The following RGS7 variants were observed in gnomAD, a reference collection of about 807,000 sequenced individuals.
The protein encoded by RGS7 is regulator of G protein signaling 7.
RGS7 carries 27 observed loss-of-function variants against 81.1 expected under a neutral mutation model. The ratio of observed to expected loss-of-function variants is 0.33; its 90% CI spans 0.25 to 0.46. RGS7 has a LOEUF of 0.46. Ranked by LOEUF, RGS7 falls within the 20% of genes least tolerant of loss-of-function variation. RGS7 has a pLI of 1.00. For synonymous variants in RGS7, 208 were observed against 207.7 expected (o/e 1.00, Z -0.01); for missense variants, 396 against 607.4 (o/e 0.65, Z 3.66).
At chr1:240,947,633 C>G (rs1478915866) in intron 4 of RGS7, among the ~76,000 whole-genome samples, 1 of 152,188 alleles carries the variant, frequency 6.6e-6, no homozygotes, top group East Asian at 1.9e-4. Flanking sequence ...TCCACCACCC[C>G]AGTCCAACCT....
intron 2 of RGS7, among the ~76,000 whole-genome samples, chr1:241,139,056 C>T (rs2103074758): frequency 6.6e-6 from 1 of 152,244 alleles, no homozygotes; most frequent in African/African-American, 2.4e-5. Context: ...TGGAACCACA[C>T]AATATGTGTC....
intron 18 of RGS7, among the ~76,000 whole-genome samples, chr1:240,781,905 C>T (rs1271530892): frequency 2.0e-5 from 3 of 152,018 alleles, no homozygotes; most frequent in Non-Finnish European, 4.4e-5. Context: ...ATCCCAGCTA[C>T]TCGGGAGGCT....
chr1:241,214,907 T>C (rs1392005342), intron 2 of RGS7, among the ~76,000 whole-genome samples: 1 of 152,192 alleles, frequency 6.6e-6, no homozygotes, highest in Non-Finnish European at 1.5e-5. Context: ...TTATCCTAAC[T>C]ATGGATACTA....
At chr1:241,342,846 C>G (rs116075306) in intron 2 of RGS7, among the ~76,000 whole-genome samples, 1,943 of 152,200 alleles carry the variant, frequency 0.013, 22 homozygotes, top group South Asian at 0.022. Context: ...TGACTATTAC[C>G]AAAGAAATGG....
intron 9 of RGS7, among the ~76,000 whole-genome samples, chr1:240,854,044 G>T (rs1024504375): frequency 3.3e-5 from 5 of 151,784 alleles, no homozygotes; most frequent in African/African-American, 1.2e-4. Flanking sequence ...CCTTTCTGGA[G>T]CTATTTAAGA....
At chr1:240,951,792 C>T (rs1679603637) in intron 4 of RGS7, among the ~76,000 whole-genome samples, 1 of 151,926 alleles carries the variant, frequency 6.6e-6, no homozygotes, top group Non-Finnish European at 1.5e-5. Flanking sequence ...ACACTACACT[C>T]AGAGAGAAAG....
chr1:240,849,953 C>A (rs1659801287), intron 9 of RGS7, among the ~76,000 whole-genome samples: 1 of 152,160 alleles, frequency 6.6e-6, no homozygotes, highest in Admixed American at 6.5e-5. Context: ...CATTCCGCAC[C>A]CGTACTGGAT....
At chr1:240,834,916 CCACACACACACA>C (rs67071227) in intron 9 of RGS7, among the ~76,000 whole-genome samples, 14 of 144,612 alleles carry the variant, frequency 9.7e-5, no homozygotes, top group African/African-American at 2.3e-4. Flanking sequence ...ACCTTACACT[CCACACACACACA>C]CACACACACA....
intron 3 of RGS7, among the ~76,000 whole-genome samples, chr1:241,060,991 C>G (rs1430911371): frequency 6.6e-6 from 1 of 152,218 alleles, no homozygotes; most frequent in Non-Finnish European, 1.5e-5. Context: ...TCAGGCTGTG[C>G]CAGGCCCATG....
chr1:241,061,455 C>T (rs1262354142), intron 3 of RGS7, among the ~76,000 whole-genome samples: 5 of 152,284 alleles, frequency 3.3e-5, no homozygotes, highest in East Asian at 1.9e-4. Flanking sequence ...CAGAGCTTTA[C>T]GATCTCCTTA....
intron 2 of RGS7, among the ~76,000 whole-genome samples, chr1:241,275,379 C>A (rs549230397): frequency 6.6e-6 from 1 of 152,332 alleles, no homozygotes; most frequent in East Asian, 1.9e-4. Context: ...TGCAATGAGT[C>A]ATTTTCATCC....
At chr1:240,844,810 T>G (rs898151773) in intron 9 of RGS7, among the ~76,000 whole-genome samples, 12 of 152,314 alleles carry the variant, frequency 7.9e-5, no homozygotes, top group Admixed American at 6.5e-4. Flanking sequence ...GATGAACACA[T>G]TTTGGATTTT....
chr1:241,089,741 A>G (rs929468817), intron 3 of RGS7, among the ~76,000 whole-genome samples: 3 of 152,164 alleles, frequency 2.0e-5, no homozygotes, highest in Non-Finnish European at 2.9e-5. Context: ...TAAACAGACC[A>G]TAAGAGAGAA....
At chr1:240,948,005 G>A (rs1678933438) in intron 4 of RGS7, among the ~76,000 whole-genome samples, 1 of 152,134 alleles carries the variant, frequency 6.6e-6, no homozygotes, top group African/African-American at 2.4e-5. Context: ...CCTTCCTCCA[G>A]AGAGCAGAAC....
chr1:240,968,408 G>A (rs1290428367), intron 4 of RGS7, among the ~76,000 whole-genome samples: 1 of 152,154 alleles, frequency 6.6e-6, no homozygotes, highest in Non-Finnish European at 1.5e-5. Flanking sequence ...CTGTGAAATG[G>A]AGATAATCAG....
chr1:240,956,882 T>A (rs1438036601), intron 4 of RGS7, among the ~76,000 whole-genome samples: 1 of 151,930 alleles, frequency 6.6e-6, no homozygotes, highest in Non-Finnish European at 1.5e-5. Context: ...AAATCCTAAT[T>A]CAGGGGCATT....
intron 2 of RGS7, among the ~76,000 whole-genome samples, chr1:241,199,426 A>C (rs977218651): frequency 3.3e-5 from 5 of 152,158 alleles, no homozygotes; most frequent in Non-Finnish European, 5.9e-5. Flanking sequence ...GTCTCAAAAA[A>C]AAAAGGACTT....
At chr1:241,249,476 C>A (rs1219123688) in intron 2 of RGS7, among the ~76,000 whole-genome samples, 1 of 152,120 alleles carries the variant, frequency 6.6e-6, no homozygotes, top group Non-Finnish European at 1.5e-5. Flanking sequence ...GCTTACTTTA[C>A]AATAAGTCCT....
At chr1:241,130,670 T>C (rs1274519077) in intron 2 of RGS7, among the ~76,000 whole-genome samples, 3 of 151,034 alleles carry the variant, frequency 2.0e-5, no homozygotes, top group Admixed American at 2.0e-4. Context: ...CAAGAATTAC[T>C]AATAACAAAC....
Sources: gnomAD v4.1 joint callset for allele counts (sites outside exome capture counted in the v4.1 genomes callset) on GRCh38, gnomAD v4.1.1 for gene constraint, MANE v1.5 for transcripts, NCBI Gene and HGNC (gene_info 2026-07-23, HGNC 2026-07-21) for gene names.